Variants in RSL24D1 observed in about 807,000 individuals in gnomAD.
The protein encoded by RSL24D1 is probable ribosome biogenesis protein RLP24.
In RSL24D1, 6 loss-of-function variants were observed where a neutral mutation model predicts 26.2. That is an observed-to-expected ratio of 0.23 (90% CI 0.13 to 0.45). The LOEUF (loss-of-function observed/expected upper bound fraction) is 0.45. Among genes scored for constraint, RSL24D1 ranks in the 20% least tolerant of loss-of-function variants. The pLI, the probability that RSL24D1 is intolerant of heterozygous loss-of-function variation, is 0.99. For synonymous variants in RSL24D1, 61 were observed against 59.1 expected, an observed-to-expected ratio of 1.03 and a Z score of -0.15; for missense variants, 176 against 202.6, an observed-to-expected ratio of 0.87 and a Z score of 0.80.
chr15:55,192,902 C>G, intron 1 of RSL24D1, 69 bp from the exon 2 acceptor site: 3 of 969,048 alleles, frequency 3.1e-6, no homozygotes, highest in Non-Finnish European at 4.9e-6. Context: ...GTTACCCCTG[C>G]TAGACAAAAA....
In RSL24D1 at chr15:55,182,184, G is replaced by T. The variant is rs1249849823; in HGVS notation, c.460C>A (p.Gln154Lys). The change falls in exon 6 of 6, where the codon CAA becomes AAA. Residue 154 changes from glutamine (Q) to lysine (K), a missense_variant. Physicochemically the swap from Gln to Lys is moderately conservative, Grantham distance 53. Around this residue, in one of 3 missense-constraint regions of RSL24D1, gnomAD observed 43 missense variants for 38.7 expected, o/e 1.11. Transcript: ENST00000260443. The part of the protein sequence containing the change: ...QLEEKMVQQL[Q>K]EDVDMEDAP The stretch of plus-strand genomic sequence containing the variant: ...GCATCTTCCATGTCCACATCCTCTT[G>T]TAACTGCTGTACCATTTTCTCTTCC... The T allele has an allele frequency of 6.2e-7, 1 of 1,608,828 alleles. No individual in the cohort carries two copies. Among genetic ancestry groups the T allele is most frequent in the East Asian group, 2.2e-5 (1 of 44,770 alleles).
intron 1 of RSL24D1, 21 bp from the exon 2 acceptor site, chr15:55,192,854 T>C (rs1161363218): frequency 3.3e-6 from 5 of 1,536,312 alleles, no homozygotes; most frequent in Admixed American, 1.7e-5. Context: ...AGTTAAAATA[T>C]TGAGAAGTCA....
Position 55,192,722 on chromosome 15 carries a change from C to A in RSL24D1, c.193G>T (p.Val65Leu), listed in dbSNP as rs1459562317. Reference sequence around the variant, plus strand: ...TATTGATAGCTAACCGTACTCACCACTGTAAGCTCTTTACCAGCTGCTTTC... The same window carrying A: ...TATTGATAGCTAACCGTACTCACCAATGTAAGCTCTTTACCAGCTGCTTTC... ...FRKAAGKELTVDNSFEFEKRR... is the reference protein window; with the variant it reads ...FRKAAGKELTLDNSFEFEKRR... Residue 65 changes from valine (V) to leucine (L), a missense_variant and splice_region_variant, in exon 2 of 6, where the codon GTG becomes TTG. By Grantham distance (32) the Val-to-Leu change is conservative. Transcript: ENST00000260443. The A allele has an allele frequency of 1.2e-6, 2 of 1,606,480 alleles. No individual in the cohort carries two copies. Among genetic ancestry groups the A allele is most frequent in the Non-Finnish European group, 1.7e-6 (2 of 1,173,050 alleles).
chr15:55,184,394 G>A (rs1199450126), intron 4 of RSL24D1, among the ~76,000 whole-genome samples: 2 of 152,224 alleles, frequency 1.3e-5, no homozygotes, highest in Non-Finnish European at 2.9e-5. Flanking sequence ...AAGAATCCAT[G>A]AATACACACA....
intron 2 of RSL24D1, among the ~76,000 whole-genome samples, 167 bp from the exon 3 acceptor site, chr15:55,191,214 A>G (rs535779503): frequency 3.9e-5 from 6 of 152,252 alleles, no homozygotes; most frequent in Admixed American, 6.5e-5. Flanking sequence ...TCTCCTTTAC[A>G]CACCTCCCTA....
chr15:55,186,517 A>C (rs962625526), intron 3 of RSL24D1, among the ~76,000 whole-genome samples: 1 of 152,168 alleles, frequency 6.6e-6, no homozygotes, highest in African/African-American at 2.4e-5. Flanking sequence ...TGCATTATCC[A>C]AACCTAATCT....
rs1426489365 is a variant in RSL24D1 at position 55,182,019 on chromosome 15, G to T, written c.*133C>A. ...CCGTAATATCTGATATTATGTAGAT[G>T]GCAATGCAGGAAAGATGTCTTTTAA... On this transcript the variant is annotated 3_prime_UTR_variant, in exon 6 of 6. Coordinates refer to ENST00000260443, the MANE Select transcript of RSL24D1 (RefSeq NM_016304.3). The T allele has an allele frequency of 3.3e-6, 2 of 598,832 alleles. No homozygotes were observed. Among genetic ancestry groups the T allele is most frequent in the Admixed American group, 5.8e-5 (2 of 34,196 alleles). The allele number at this position is 598,832 out of a possible 1,614,324, so 37.1% of individuals were successfully genotyped here. A position where few individuals can be genotyped will look rare whatever the true frequency, so the allele number is the denominator to read the frequency against.
chr15:55,196,877 T>C lies in RSL24D1; in HGVS notation c.14A>G (p.Lys5Arg). The C allele has an allele frequency of 6.2e-7, 1 of 1,614,104 alleles. No homozygotes were observed. The highest frequency in any genetic ancestry group is 8.5e-7 in the Non-Finnish European group (1 of 1,180,008). ...GATGGGCCCCGAACAGAAATAACACTTTTCGATACGCATGTTGAACCCGCG... is the reference window on the plus strand; with the variant it reads ...GATGGGCCCCGAACAGAAATAACACCTTTCGATACGCATGTTGAACCCGCG... MRIEKCYFCSGPIYP... is the reference protein window; with the variant it reads MRIERCYFCSGPIYP... Residue 5 changes from lysine to arginine, a missense_variant, in exon 1 of 6, where the codon AAG (lysine) becomes AGG (arginine). Physicochemically the swap from Lys to Arg is conservative, Grantham distance 26. This residue lies in a region of RSL24D1 where 44 missense variants were observed against 28.8 expected (regional missense o/e 1.53). Transcript: ENST00000260443.
intron 1 of RSL24D1, chr15:55,195,723 T>C (rs528234599): frequency 6.6e-6 from 1 of 152,364 alleles, no homozygotes; most frequent in Non-Finnish European, 1.5e-5. Flanking sequence ...GAGCAAGTAT[T>C]CAAAATCTTC....
intron 1 of RSL24D1, chr15:55,195,183 A>G (rs1894341951): frequency 1.3e-5 from 2 of 152,130 alleles, no homozygotes; most frequent in Non-Finnish European, 2.9e-5. Flanking sequence ...AGGTGAAAAG[A>G]TTCAGACGAC....
At chr15:55,189,634 A>G (rs1290133329) in intron 3 of RSL24D1, among the ~76,000 whole-genome samples, 4 of 152,118 alleles carry the variant, frequency 2.6e-5, no homozygotes, top group East Asian at 3.9e-4. Context: ...CTCATCAGCT[A>G]TCATTAGTGT....
At chr15:55,190,760 T>G (rs1160110459) in intron 3 of RSL24D1, among the ~76,000 whole-genome samples, 4 of 152,104 alleles carry the variant, frequency 2.6e-5, no homozygotes, top group African/African-American at 7.2e-5. Flanking sequence ...AGTTAATAAT[T>G]ACATTATTTT....
Position 55,181,904 on chromosome 15 carries a change from A to G in RSL24D1, c.*248T>C, listed in dbSNP as rs1177791075. ...AATAGCACAACCATTTTACGTCCAC[A>G]ATTCACTTCTATAGTTACAAGTAGA... On this transcript the variant is annotated 3_prime_UTR_variant, in exon 6 of 6. Transcript: ENST00000260443. 2.6e-6 allele frequency: 1 copy of G among 383,420 alleles called. No individual in the cohort carries two copies. The highest frequency in any genetic ancestry group is 4.7e-6 in the Non-Finnish European group (1 of 213,236). 23.8% of individuals were successfully genotyped at this position (383,420 alleles called of 1,614,324 possible).
rs1023922784 is a variant in RSL24D1 at position 55,196,585 on chromosome 15, C to G, written c.81+225G>C. ...CTCCTGAAGTTCCTCGCTGCCAACG[C>G]CACCCAAGGGTGGCGTGGTGGCCAG... On this transcript the variant is annotated intron_variant, in intron 1 of 5. Transcript: ENST00000260443. 3 of 595,136 alleles carry G rather than the reference C, an allele frequency of 5.0e-6. No individual in the cohort carries two copies. In the African/African-American group the frequency reaches 5.6e-5, roughly 11 times the overall value. 36.9% of individuals were successfully genotyped at this position (595,136 alleles called of 1,614,324 possible).
chr15:55,181,335 T>A lies in RSL24D1; in HGVS notation c.*817A>T, dbSNP rs934153418. On this transcript the variant is annotated 3_prime_UTR_variant, in exon 6 of 6. Coordinates refer to ENST00000260443, the MANE Select transcript of RSL24D1 (RefSeq NM_016304.3). ...AGCATTACTTTTTAAATGGTTTTAT[T>A]TTATGTACAAATAATGAACATACGT... 2 of 152,624 alleles carry A rather than the reference T, an allele frequency of 1.3e-5. No individual in the cohort carries two copies. The highest frequency in any genetic ancestry group is 4.8e-5 in the African/African-American group (2 of 41,454). 9.5% of individuals were successfully genotyped at this position (152,624 alleles called of 1,614,324 possible).
At position 55,196,927 on chromosome 15, in the gene RSL24D1, A is replaced by G; in HGVS notation, c.-37T>C. Reference sequence around the variant, plus strand: ...GTGTAACCCCACCAAACAAACGCCAAGCTTGAGAGGAAGTGATGCAACCCC... The same window carrying G: ...GTGTAACCCCACCAAACAAACGCCAGGCTTGAGAGGAAGTGATGCAACCCC... On this transcript the variant is annotated 5_prime_UTR_variant, in exon 1 of 6. Transcript: ENST00000260443. 1 of 1,602,444 alleles carries G rather than the reference A, an allele frequency of 6.2e-7. No individual in the cohort carries two copies. The highest frequency in any genetic ancestry group is 8.5e-7 in the Non-Finnish European group (1 of 1,169,734).
intron 3 of RSL24D1, 38 bp downstream of exon 3, chr15:55,190,937 T>C (rs997668141): frequency 2.2e-6 from 3 of 1,352,220 alleles, no homozygotes; most frequent in Non-Finnish European, 3.2e-6. Flanking sequence ...CCCAAACCAG[T>C]CTCTCCTCAA....
chr15:55,192,684 C>T (rs1398729231), intron 2 of RSL24D1, 36 bp downstream of exon 2: 8 of 1,437,462 alleles, frequency 5.6e-6, no homozygotes, highest in Admixed American at 1.7e-5. Flanking sequence ...AACTGTGAAA[C>T]GTGTAAAAAC....
chr15:55,186,546 T>G (rs1894225981), intron 3 of RSL24D1, among the ~76,000 whole-genome samples: 1 of 152,004 alleles, frequency 6.6e-6, no homozygotes, highest in Non-Finnish European at 1.5e-5. Context: ...CACCAAACAA[T>G]CCAGTTAAGA....
Sources: gnomAD v4.1 joint callset for allele counts (sites outside exome capture counted in the v4.1 genomes callset) on GRCh38, gnomAD v4.1.1 for gene constraint, gnomAD v4.1.1 regional missense constraint, MANE v1.5 for transcripts, NCBI Gene and HGNC (gene_info 2026-07-23, HGNC 2026-07-21) for gene names.